The following SLAMF8 variants were observed in gnomAD, a reference collection of about 807,000 sequenced individuals.
The protein encoded by SLAMF8 is SLAM family member 8.
A neutral mutation model predicts 29.0 loss-of-function variants in SLAMF8; 23 were observed. That is an observed-to-expected ratio of 0.79 (90% CI 0.57 to 1.13). The LOEUF is 1.13. Among genes scored for constraint, SLAMF8 ranks in the 50% most tolerant of loss-of-function variants. SLAMF8 has a pLI of 0.00. For synonymous variants in SLAMF8, 139 were observed against 145.6 expected (o/e 0.96, Z 0.32); for missense variants, 381 against 353.1 (o/e 1.08, Z -0.63).
intron 2 of SLAMF8, among the ~76,000 whole-genome samples, chr1:159,831,410 T>C (rs1347074961): frequency 2.0e-5 from 3 of 151,622 alleles, no homozygotes; most frequent in African/African-American, 7.3e-5. Context: ...GCCCTGAGCC[T>C]CATCTTGGCA....
At chr1:159,827,231 G>A (rs1663680407) in intron 1 of SLAMF8, among the ~76,000 whole-genome samples, 1 of 152,202 alleles carries the variant, frequency 6.6e-6, no homozygotes, top group African/African-American at 2.4e-5. Context: ...GATACTGCTG[G>A]TTTGGAGAGA....
chr1:159,826,977 G>A, intron 1 of SLAMF8, 39 bp downstream of exon 1: 2 of 1,613,254 alleles, frequency 1.2e-6, no homozygotes, highest in Non-Finnish European at 8.5e-7. Flanking sequence ...TCGGAGAGCT[G>A]AAGGCCCCTC....
In SLAMF8 at chr1:159,837,347, C is replaced by T; in HGVS notation, c.*2087C>T. On this transcript the variant is annotated 3_prime_UTR_variant, in exon 5 of 5. Coordinates refer to ENST00000289707, the MANE Select transcript of SLAMF8 (RefSeq NM_020125.3). ...GTGCTAATGAGCATTGAGACTGATG[C>T]TTTGTAAGTCACACCACAACAAATA... is the stretch of plus-strand genomic sequence containing the variant. 2.1e-6 allele frequency: 2 copies of T among 963,244 alleles called. No homozygotes were observed. Among genetic ancestry groups the T allele is most frequent in the Non-Finnish European group, 2.5e-6 (2 of 809,632 alleles). 59.7% of individuals were successfully genotyped at this position (963,244 alleles called of 1,614,324 possible).
chr1:159,833,485 C>A, intron 4 of SLAMF8, 116 bp downstream of exon 4: 7 of 1,444,392 alleles, frequency 4.8e-6, no homozygotes, highest in Non-Finnish European at 4.7e-6. Context: ...CTACCTCTCC[C>A]ACCTCATCTC....
In SLAMF8 at chr1:159,830,178, A is replaced by G. The variant is rs1647392398; in HGVS notation, c.353A>G (p.Gln118Arg). The G allele has an allele frequency of 6.2e-7, 1 of 1,602,598 alleles. No homozygotes were observed. The change falls in exon 2 of 5, where the codon CAG becomes CGG. Residue 118 changes from glutamine to arginine, a missense_variant. Transcript: ENST00000289707. ...GGCCAGCCCTGGACCCAGACCCTCC[A>G]GCTCAAGGTGTACGGTGAGTGTGTC... is the stretch of plus-strand genomic sequence containing the variant. ...TRGQPWTQTL[Q>R]LKVYDAVPRP...
intron 4 of SLAMF8, among the ~76,000 whole-genome samples, chr1:159,833,807 T>TC (rs59939140): frequency 0.11 from 16,531 of 152,182 alleles, 1,158 homozygotes; most frequent in Middle Eastern, 0.15. Flanking sequence ...TACATTTACT[T>TC]CCCCACTGAA....
intron 2 of SLAMF8, among the ~76,000 whole-genome samples, chr1:159,831,442 C>T (rs1365604687): frequency 6.6e-6 from 1 of 152,028 alleles, no homozygotes; most frequent in Non-Finnish European, 1.5e-5. Flanking sequence ...GGCTGGATTT[C>T]AGCACCCCCC....
rs899240251 is a variant in SLAMF8, at chr1:159,836,752, T to A, written c.*1492T>A. On this transcript the variant is annotated 3_prime_UTR_variant, in exon 5 of 5. Coordinates refer to ENST00000289707, the MANE Select transcript of SLAMF8 (RefSeq NM_020125.3). ...ACATCACCACTCTTCCACTCGATTG[T>A]TCCCAGATCCTCCCTGCCTGGCCTG... 52 of 985,598 alleles carry A rather than the reference T, an allele frequency of 5.3e-5. 1 individual carries two copies. The highest frequency in any genetic ancestry group is 3.7e-5 in the Non-Finnish European group (31 of 830,044). The allele number at this position is 985,598 out of a possible 1,614,324, so 61.1% of individuals were successfully genotyped here.
In SLAMF8 at chr1:159,836,476, C is replaced by G. The variant is rs1216270407; in HGVS notation, c.*1216C>G. 1 of 985,336 alleles carries G rather than the reference C, an allele frequency of 1.0e-6. No individual in the cohort carries two copies. Among genetic ancestry groups the G allele is most frequent in the African/African-American group, 1.7e-5 (1 of 57,236 alleles). The allele number at this position is 985,336 out of a possible 1,614,324, so 61.0% of individuals were successfully genotyped here. On this transcript the variant is annotated 3_prime_UTR_variant, in exon 5 of 5. Coordinates refer to ENST00000289707, the MANE Select transcript of SLAMF8 (RefSeq NM_020125.3). ...TAAACTTACCTTCGGGGATTATTAG[C>G]TGATAAGGTTCACAGTTTCTCTCAC...
intron 1 of SLAMF8, 57 bp downstream of exon 1, chr1:159,826,995 G>GCCTA (rs1663662286): frequency 6.2e-7 from 1 of 1,606,392 alleles, no homozygotes; most frequent in Non-Finnish European, 8.5e-7. Flanking sequence ...CTCCCCAGCT[G>GCCTA]CCTATGCCAG....
In SLAMF8 at chr1:159,836,212, G is replaced by T; in HGVS notation, c.*952G>T. Reference sequence around the variant, plus strand: ...CAGAAGGAACATTATGGAGAGAAAGGGTACTGAGGCACTCTAGAATCTGCC... The same window carrying T: ...CAGAAGGAACATTATGGAGAGAAAGTGTACTGAGGCACTCTAGAATCTGCC... On this transcript the variant is annotated 3_prime_UTR_variant, in exon 5 of 5. Coordinates refer to ENST00000289707, the MANE Select transcript of SLAMF8 (RefSeq NM_020125.3). The T allele has an allele frequency of 4.1e-6, 4 of 985,420 alleles. No individual in the cohort carries two copies. Among genetic ancestry groups the T allele is most frequent in the Non-Finnish European group, 4.8e-6 (4 of 829,922 alleles). 61.0% of individuals were successfully genotyped at this position (985,420 alleles called of 1,614,324 possible).
At chr1:159,830,441 C>T (rs1458090635) in intron 2 of SLAMF8, among the ~76,000 whole-genome samples, 2 of 152,180 alleles carry the variant, frequency 1.3e-5, no homozygotes, top group East Asian at 3.9e-4. Context: ...GGCTCAGTGG[C>T]CTTGGACACA....
rs1173549518 is a variant in SLAMF8 at position 159,833,112 on chromosome 1, A to G, written c.604A>G (p.Ile202Val). ...AGACAGAGATGTGGCCTATTCCTGCATTGTCTCCAACCCTGTCAGCTGGGA... is the reference window on the plus strand; with the variant it reads ...AGACAGAGATGTGGCCTATTCCTGCGTTGTCTCCAACCCTGTCAGCTGGGA... The part of the protein sequence containing the change: ...PGDRDVAYSC[I>V]VSNPVSWDLA... The change falls in exon 3 of 5, where the codon ATT becomes GTT. Residue 202 changes from isoleucine to valine, a missense_variant. Physicochemically the swap from Ile to Val is conservative, Grantham distance 29. Transcript: ENST00000289707. 4 of 1,614,154 alleles carry G rather than the reference A, an allele frequency of 2.5e-6. No homozygotes were observed. The highest frequency in any genetic ancestry group is 4.5e-5 in the East Asian group (2 of 44,886).
intron 4 of SLAMF8, 133 bp downstream of exon 4, chr1:159,833,502 T>A: frequency 6.2e-6 from 8 of 1,282,778 alleles, no homozygotes; most frequent in Non-Finnish European, 6.5e-6. Flanking sequence ...TCTCTTGGCC[T>A]TCTCTAGCTC....
intron 2 of SLAMF8, 124 bp downstream of exon 2, chr1:159,830,316 G>T: frequency 9.5e-7 from 1 of 1,053,922 alleles, no homozygotes; most frequent in Non-Finnish European, 1.3e-6. Flanking sequence ...CCATGTTGCC[G>T]ACTCAGGGAA....
At position 159,833,249 on chromosome 1, in the gene SLAMF8, C is replaced by T. The variant is rs1647631982; in HGVS notation, c.674-13C>T. 14 of 1,614,168 alleles carry T rather than the reference C, an allele frequency of 8.7e-6. No individual in the cohort carries two copies. Among genetic ancestry groups the T allele is most frequent in the Non-Finnish European group, 1.2e-5 (14 of 1,180,010 alleles). ...CATCAAGTCCACCTCTAACCCCACC[C>T]CTCCATGTTCAGCACCAGGGAAGGC... On this transcript the variant is annotated splice_polypyrimidine_tract_variant and intron_variant, in intron 3 of 4. Transcript: ENST00000289707.
chr1:159,833,020 A>G lies in SLAMF8; in HGVS notation c.512A>G (p.Asp171Gly). 1 of 1,614,202 alleles carries G rather than the reference A, an allele frequency of 6.2e-7. No homozygotes were observed. Among genetic ancestry groups the G allele is most frequent in the Non-Finnish European group, 8.5e-7 (1 of 1,180,022 alleles). Reference sequence around the variant, plus strand: ...AGCTGGCGACGGGAGACAACCATGGACTTTGGTATGGAACCACACAGCCTC... The same window carrying G: ...AGCTGGCGACGGGAGACAACCATGGGCTTTGGTATGGAACCACACAGCCTC... ...TYSWRRETTM[D>G]FGMEPHSLFT... is the part of the protein sequence containing the mutation. Residue 171 changes from aspartate to glycine, a missense_variant, in exon 3 of 5, where the codon GAC (aspartate) becomes GGC (glycine). Asp to Gly is a moderately conservative substitution (Grantham distance 94). Transcript: ENST00000289707.
intron 2 of SLAMF8, among the ~76,000 whole-genome samples, chr1:159,832,116 G>C (rs542544172): frequency 6.6e-6 from 1 of 152,012 alleles, no homozygotes; most frequent in Admixed American, 6.6e-5. Context: ...CCATGGCTAG[G>C]ACACCAGGAT....
intron 1 of SLAMF8, 38 bp downstream of exon 1, chr1:159,826,976 T>G: frequency 6.2e-7 from 1 of 1,613,220 alleles, no homozygotes; most frequent in Non-Finnish European, 8.5e-7. Context: ...CTCGGAGAGC[T>G]GAAGGCCCCT....
Sources: gnomAD v4.1 joint callset for allele counts (sites outside exome capture counted in the v4.1 genomes callset) on GRCh38, gnomAD v4.1.1 for gene constraint, MANE v1.5 for transcripts, NCBI Gene and HGNC (gene_info 2026-07-23, HGNC 2026-07-21) for gene names.